ELMO1: variants seen among roughly 807,000 people sequenced by gnomAD.
ELMO1 encodes engulfment and cell motility protein 1.
In ELMO1, 26 loss-of-function variants were observed where a neutral mutation model predicts 98.9. The ratio of observed to expected loss-of-function variants is 0.26; its 90% confidence interval spans 0.19 to 0.36. The LOEUF (loss-of-function observed/expected upper bound fraction) is 0.36. Among genes scored for constraint, ELMO1 ranks in the 10% least tolerant of loss-of-function variants. The pLI is 1.00. For synonymous variants in ELMO1, 346 were observed against 346.0 expected, an observed-to-expected ratio of 1.00 and a Z score of 0.00; for missense variants, 627 against 935.2, an observed-to-expected ratio of 0.67 and a Z score of 4.30.
At chr7:36,901,643 C>T (rs1196591689) in intron 16 of ELMO1, among the ~76,000 whole-genome samples, 1 of 152,190 alleles carries the variant, frequency 6.6e-6, no homozygotes, top group Non-Finnish European at 1.5e-5. Context: ...GGTTCTGTCA[C>T]TTACAAGCTG....
chr7:37,330,302 A>ATTCCC (rs1375625347), intron 2 of ELMO1, among the ~76,000 whole-genome samples: 4 of 152,062 alleles, frequency 2.6e-5, no homozygotes, highest in Admixed American at 2.0e-4. Flanking sequence ...AATATTTTTC[A>ATTCCC]TTCCCTTCTC....
At chr7:37,336,698 C>T (rs545457482) in intron 2 of ELMO1, among the ~76,000 whole-genome samples, 1 of 152,092 alleles carries the variant, frequency 6.6e-6, no homozygotes, top group Non-Finnish European at 1.5e-5. Context: ...GGCAGCTTTG[C>T]CGAGCGTAAC....
At chr7:37,039,999 C>T (rs1051768064) in intron 15 of ELMO1, among the ~76,000 whole-genome samples, 1 of 152,050 alleles carries the variant, frequency 6.6e-6, no homozygotes, top group Non-Finnish European at 1.5e-5. Flanking sequence ...ACAATGTTGT[C>T]CAGTAGGCTT....
chr7:37,346,315 G>A lies in ELMO1; in HGVS notation c.-73-3552C>T, dbSNP rs1037419324. ...CCAGAGGGCCTTTGGCAAACTATAC[G>A]AAAAGCCTTAAAATTTCGCATCCTC... On this transcript the variant is annotated intron_variant, in intron 1 of 21. Transcript: ENST00000310758. Among the ~76,000 whole-genome samples, 7 of 152,162 alleles carry A rather than the reference G, an allele frequency of 4.6e-5. No individual in the cohort carries two copies. The South Asian group carries it at 6.2e-4, about 14-fold the overall frequency.
chr7:37,195,438 T>C (rs905932735), intron 13 of ELMO1, among the ~76,000 whole-genome samples: 4 of 152,268 alleles, frequency 2.6e-5, no homozygotes, highest in Non-Finnish European at 4.4e-5. Flanking sequence ...GATCCGTTAC[T>C]ATCAAAGTGC....
In ELMO1 at chr7:37,384,495, C is replaced by T. The variant is rs747630976; in HGVS notation, c.-73-41732G>A. Among the ~76,000 whole-genome samples the T allele has an allele frequency of 5.9e-5, 9 of 152,004 alleles. No individual in the cohort carries two copies. In the South Asian group the frequency reaches 6.2e-4, roughly 11 times the overall value. ...CAGCACTTTGGGAGGCCGAGGTGGG[C>T]GGATCACGAGGTCAGGAGATCAAGA... On this transcript the variant is annotated intron_variant, in intron 1 of 21. Coordinates refer to ENST00000310758, the MANE Select transcript of ELMO1 (RefSeq NM_014800.11).
intron 2 of ELMO1, among the ~76,000 whole-genome samples, chr7:37,341,699 T>C (rs958543266): frequency 2.0e-5 from 3 of 152,172 alleles, no homozygotes; most frequent in Admixed American, 2.0e-4. Flanking sequence ...TAATAAAATC[T>C]GACCAGGAAA....
At chr7:37,328,798 A>G (rs6979778) in intron 2 of ELMO1, among the ~76,000 whole-genome samples, 45,568 of 152,078 alleles carry the variant, frequency 0.3, 6,970 homozygotes, top group African/African-American at 0.37. Context: ...TCCAACCCCA[A>G]CTTCTCTGTA....
At chr7:37,414,745 G>T (rs1231107788) in intron 1 of ELMO1, among the ~76,000 whole-genome samples, 1 of 152,146 alleles carries the variant, frequency 6.6e-6, no homozygotes, top group African/African-American at 2.4e-5. Flanking sequence ...TCAATTTTCT[G>T]TTTCTTACCA....
At chr7:37,163,746 A>G (rs902975030) in intron 13 of ELMO1, among the ~76,000 whole-genome samples, 29 of 152,298 alleles carry the variant, frequency 1.9e-4, no homozygotes, top group Non-Finnish European at 3.8e-4. Flanking sequence ...ATTGTTGGAC[A>G]TTTGGGTTGG....
chr7:37,044,058 T>C (rs1433717335), intron 15 of ELMO1, among the ~76,000 whole-genome samples: 1 of 152,246 alleles, frequency 6.6e-6, no homozygotes, highest in Non-Finnish European at 1.5e-5. Context: ...GGAAAAGCTC[T>C]AGAGCCCACT....
chr7:37,120,736 G>T (rs531937626), intron 14 of ELMO1, among the ~76,000 whole-genome samples: 1 of 152,178 alleles, frequency 6.6e-6, no homozygotes, highest in Non-Finnish European at 1.5e-5. Context: ...AGAAATCTCC[G>T]CAGACTTAAA....
At position 37,233,200 on chromosome 7, in the gene ELMO1, A is replaced by C. The variant is rs756937609; in HGVS notation, c.450-6T>G. 2 of 1,610,938 alleles carry C rather than the reference A, an allele frequency of 1.2e-6. No homozygotes were observed. Among genetic ancestry groups the C allele is most frequent in the Non-Finnish European group, 1.7e-6 (2 of 1,178,906 alleles). On this transcript the variant is annotated splice_region_variant and splice_polypyrimidine_tract_variant and intron_variant, in intron 7 of 21. Transcript: ENST00000310758. ...AGGACAGCATGTCTCCAAAGCTGAA[A>C]AAGACAGAGAGGCACAAGAGTCAAG...
At chr7:37,045,429 G>T (rs1224384904) in intron 15 of ELMO1, among the ~76,000 whole-genome samples, 1 of 152,148 alleles carries the variant, frequency 6.6e-6, no homozygotes, top group Non-Finnish European at 1.5e-5. Context: ...TGCATTATCT[G>T]CCTGTTGCCC....
At chr7:37,199,946 T>G (rs1479289749) in intron 13 of ELMO1, among the ~76,000 whole-genome samples, 1 of 152,204 alleles carries the variant, frequency 6.6e-6, no homozygotes, top group African/African-American at 2.4e-5. Context: ...GCAGAGGCCC[T>G]GCCCCATGAC....
intron 1 of ELMO1, among the ~76,000 whole-genome samples, chr7:37,388,574 T>C (rs1178285517): frequency 6.6e-6 from 1 of 151,550 alleles, no homozygotes; most frequent in Non-Finnish European, 1.5e-5. Flanking sequence ...CCATACCATC[T>C]TGGAGAAAGA....
chr7:37,183,156 A>C (rs1790986320), intron 13 of ELMO1, among the ~76,000 whole-genome samples: 1 of 152,136 alleles, frequency 6.6e-6, no homozygotes, highest in East Asian at 1.9e-4. Context: ...GGCCTAATGA[A>C]GGAAGAGAAG....
intron 2 of ELMO1, among the ~76,000 whole-genome samples, chr7:37,320,107 AT>A (rs1427908785): frequency 9.9e-5 from 15 of 152,136 alleles, no homozygotes; most frequent in African/African-American, 1.2e-4. Context: ...TACAAAAAAA[AT>A]AAATAAATAA....
At chr7:36,991,009 T>C (rs1274825922) in intron 16 of ELMO1, among the ~76,000 whole-genome samples, 1 of 152,146 alleles carries the variant, frequency 6.6e-6, no homozygotes, top group South Asian at 2.1e-4. Context: ...GGTCCCAAAC[T>C]GGATGCTTCC....
Sources: gnomAD v4.1 joint callset for allele counts (sites outside exome capture counted in the v4.1 genomes callset) on GRCh38, gnomAD v4.1.1 for gene constraint, MANE v1.5 for transcripts, NCBI Gene and HGNC (gene_info 2026-07-23, HGNC 2026-07-21) for gene names.